The following SINHCAF variants were observed in gnomAD, a reference collection of about 807,000 sequenced individuals.
SINHCAF encodes SIN3-HDAC complex-associated factor.
In SINHCAF, 3 loss-of-function variants were observed where a neutral mutation model predicts 25.8. The ratio of observed to expected loss-of-function variants is 0.12; its 90% confidence interval spans 0.05 to 0.30. The LOEUF is 0.30. SINHCAF is among the 10% of genes least tolerant of loss of function. The probability of loss-of-function intolerance (pLI) is 1.00; values close to 1 mark genes in which losing one functional copy is unlikely to be tolerated. For synonymous variants in SINHCAF, 70 were observed against 85.5 expected, an observed-to-expected ratio of 0.82 and a Z score of 1.00; for missense variants, 121 against 262.3, an observed-to-expected ratio of 0.46 and a Z score of 3.72.
intron 1 of SINHCAF, among the ~76,000 whole-genome samples, chr12:31,310,728 AAT>A (rs1358703923): frequency 2.0e-5 from 3 of 152,256 alleles, no homozygotes; most frequent in East Asian, 1.9e-4. Flanking sequence ...AAATTTTAAT[AAT>A]ATGTCATTTT....
At chr12:31,294,003 T>G in intron 3 of SINHCAF, 72 bp from the exon 4 acceptor site, 1 of 1,291,374 alleles carries the variant, frequency 7.7e-7, no homozygotes, top group Non-Finnish European at 1.0e-6. Context: ...TTCAGATCCG[T>G]GCCTATTTGA....
intron 1 of SINHCAF, among the ~76,000 whole-genome samples, chr12:31,313,493 T>C (rs1939363990): frequency 6.6e-6 from 1 of 152,274 alleles, no homozygotes; most frequent in African/African-American, 2.4e-5. Context: ...TTCAACTTTA[T>C]TCTTTAAGAT....
At chr12:31,311,630 A>G (rs1230938939) in intron 1 of SINHCAF, 9 of 374,848 alleles carry the variant, frequency 2.4e-5, no homozygotes, top group Non-Finnish European at 4.7e-5. Context: ...GCGGCTGCCA[A>G]GGTGGCTTTA....
At chr12:31,308,279 C>G (rs1005573585) in intron 1 of SINHCAF, among the ~76,000 whole-genome samples, 2 of 152,150 alleles carry the variant, frequency 1.3e-5, no homozygotes, top group Non-Finnish European at 2.9e-5. Context: ...CTGGCTGTCC[C>G]TCACGAGTCC....
chr12:31,285,974 CAAA>C (rs34769347), intron 5 of SINHCAF, among the ~76,000 whole-genome samples: 1 of 77,520 alleles, frequency 1.3e-5, no homozygotes, highest in Non-Finnish European at 2.8e-5. Flanking sequence ...AACTCTGTCT[CAAA>C]AAAAAAAAAA....
At chr12:31,304,137 AG>A (rs1233811606) in intron 1 of SINHCAF, 2 of 149,890 alleles carry the variant, frequency 1.3e-5, no homozygotes, top group Non-Finnish European at 3.0e-5. Context: ...AAAAAAAAAA[AG>A]CGCCCTTCAA....
intron 1 of SINHCAF, among the ~76,000 whole-genome samples, chr12:31,306,964 T>C (rs1330165181): frequency 2.6e-5 from 4 of 152,106 alleles, no homozygotes; most frequent in African/African-American, 9.7e-5. Context: ...CTTACCACCT[T>C]CTCCCCTCAA....
chr12:31,294,029 A>C, intron 3 of SINHCAF, 98 bp from the exon 4 acceptor site: 2 of 887,866 alleles, frequency 2.3e-6, no homozygotes. Flanking sequence ...ACAGTTTTAT[A>C]CTGAAAAGAG....
chr12:31,311,513 G>C (rs1374100177), intron 1 of SINHCAF: 1 of 207,988 alleles, frequency 4.8e-6, no homozygotes, highest in Non-Finnish European at 9.6e-6. Context: ...AGGACTCCAG[G>C]CAGGCCGGGC....
intron 1 of SINHCAF, among the ~76,000 whole-genome samples, chr12:31,306,449 G>T (rs1475533814): frequency 6.6e-6 from 1 of 152,164 alleles, no homozygotes; most frequent in African/African-American, 2.4e-5. Context: ...ACCCCACTAG[G>T]ATAATGGGTT....
rs1937820860 is a variant in SINHCAF, at chr12:31,281,977, T to C, written c.*735A>G. The C allele has an allele frequency of 6.6e-6, 1 of 152,644 alleles. No homozygotes were observed. The highest frequency in any genetic ancestry group is 1.9e-4 in the East Asian group (1 of 5,174). 9.5% of individuals were successfully genotyped at this position (152,644 alleles called of 1,614,324 possible). On this transcript the variant is annotated 3_prime_UTR_variant, in exon 6 of 6. Coordinates refer to ENST00000337682, the MANE Select transcript of SINHCAF (RefSeq NM_001135812.2). ...GAATCATCAGAAGCTTGGCAAGACC[T>C]TAATATTTCAAAATTATTAACAACT...
At chr12:31,292,813 C>G (rs1290650699) in intron 4 of SINHCAF, among the ~76,000 whole-genome samples, 1 of 152,164 alleles carries the variant, frequency 6.6e-6, no homozygotes, top group Non-Finnish European at 1.5e-5. Context: ...TTTACCGTCA[C>G]TAAACTTAGA....
At chr12:31,307,546 C>T (rs1217797077) in intron 1 of SINHCAF, among the ~76,000 whole-genome samples, 1 of 151,622 alleles carries the variant, frequency 6.6e-6, no homozygotes, top group East Asian at 1.9e-4. Context: ...CAGAGCAAGA[C>T]CCTGTCTAAA....
intron 2 of SINHCAF, chr12:31,296,785 G>C: frequency 1.0e-5 from 2 of 200,450 alleles, no homozygotes; most frequent in South Asian, 1.3e-4. Flanking sequence ...AGGCCAGTGA[G>C]GTCAAGGCTG....
chr12:31,284,998 A>G (rs868777597), intron 5 of SINHCAF, among the ~76,000 whole-genome samples: 3 of 152,204 alleles, frequency 2.0e-5, no homozygotes, highest in African/African-American at 2.4e-5. Flanking sequence ...TTTGACTGCA[A>G]TTACCCTGAA....
At chr12:31,323,574 G>A (rs901037319) in intron 1 of SINHCAF, among the ~76,000 whole-genome samples, 1 of 152,058 alleles carries the variant, frequency 6.6e-6, no homozygotes. Flanking sequence ...AAGGTTACAG[G>A]AAGAAAATAA....
chr12:31,298,025 T>C (rs1394318428), intron 2 of SINHCAF, 52 bp downstream of exon 2: 13 of 1,529,784 alleles, frequency 8.5e-6, no homozygotes, highest in Non-Finnish European at 1.2e-5. Flanking sequence ...TATTTCTGTA[T>C]GCTGTGGTAT....
At chr12:31,283,855 T>TACACACACACACACACACACAC (rs57162055) in intron 5 of SINHCAF, among the ~76,000 whole-genome samples, 9 of 140,574 alleles carry the variant, frequency 6.4e-5, no homozygotes, top group South Asian at 4.7e-4. Context: ...AGTTATCCAT[T>TACACACACACACACACACACAC]ACACACACAC....
intron 1 of SINHCAF, chr12:31,298,521 A>G (rs1938642900): frequency 3.0e-6 from 1 of 333,402 alleles, no homozygotes. Flanking sequence ...TCAGGTTTTG[A>G]AGTAAGAAAT....
Sources: allele counts gnomAD v4.1 joint callset (sites outside exome capture counted in the v4.1 genomes callset), GRCh38; gene constraint gnomAD v4.1.1; transcripts MANE v1.5; gene names NCBI Gene and HGNC (gene_info 2026-07-23, HGNC 2026-07-21).